Variants in KCNQ1OT1 observed in about 807,000 individuals in gnomAD.
KCNQ1OT1 encodes KCNQ1 opposite strand/antisense transcript 1.
Position 2,663,118 on chromosome 11 carries a change from G to T in KCNQ1OT1, n.36877C>A. The T allele has an allele frequency of 2.5e-6, 1 of 398,688 alleles. No individual in the cohort carries two copies. The highest frequency in any genetic ancestry group is 4.4e-6 in the Non-Finnish European group (1 of 226,128). 24.7% of individuals were successfully genotyped at this position (398,688 alleles called of 1,614,324 possible). ...AGGGAAGGAGTGGCTATCTTAAGGG[G>T]TAATTATGATCAGACAGGACCTGCC... On this transcript the variant is annotated non_coding_transcript_exon_variant, in exon 1 of 1. Transcript: ENST00000597346. This position sits in a 1 kb window ranked among gnomAD's most constrained non-coding sequence, Gnocchi z 5.2.
Position 2,676,673 on chromosome 11 carries a change from A to C in KCNQ1OT1, n.23322T>G, listed in dbSNP as rs1850300533. The C allele has an allele frequency of 2.5e-6, 1 of 398,544 alleles. No homozygotes were observed. The highest frequency in any genetic ancestry group is 2.1e-5 in the African/African-American group (1 of 48,626). 24.7% of individuals were successfully genotyped at this position (398,544 alleles called of 1,614,324 possible). A position where few individuals can be genotyped will look rare whatever the true frequency, so the allele number is the denominator to read the frequency against. On this transcript the variant is annotated non_coding_transcript_exon_variant, in exon 1 of 1. Transcript: ENST00000597346. This position sits in a 1 kb window ranked among gnomAD's most constrained non-coding sequence, Gnocchi z 4.2. ...GTTCATTAAGGTCTTGAGTATTTCC[A>C]AGGGAGCACTAACTGGACTACAGCC...
chr11:2,674,040 C>G lies in KCNQ1OT1; in HGVS notation n.25955G>C. The G allele has an allele frequency of 2.5e-6, 1 of 398,486 alleles. No individual in the cohort carries two copies. Among genetic ancestry groups the G allele is most frequent in the Non-Finnish European group, 4.4e-6 (1 of 226,048 alleles). The allele number at this position is 398,486 out of a possible 1,614,324, so 24.7% of individuals were successfully genotyped here. On this transcript the variant is annotated non_coding_transcript_exon_variant, in exon 1 of 1. Transcript: ENST00000597346. The surrounding 1 kb of genome is among the most constrained non-coding windows in gnomAD (Gnocchi z 5.9). ...GGCTCTTTGGGCCTGGGGTGCAGCCCCTCATTTGTACTTGCTGGCTGCCCC... is the reference window on the plus strand; with the variant it reads ...GGCTCTTTGGGCCTGGGGTGCAGCCGCTCATTTGTACTTGCTGGCTGCCCC...
Position 2,627,694 on chromosome 11 carries a change from A to C in KCNQ1OT1, n.72301T>G, listed in dbSNP as rs899417758. On this transcript the variant is annotated non_coding_transcript_exon_variant, in exon 1 of 1. Transcript: ENST00000597346. This position sits in a 1 kb window ranked among gnomAD's most constrained non-coding sequence, Gnocchi z 4.9. ...TATATATGTGTGTGTGTGTGTCTGT[A>C]TGTATATGTATGTGATGTGTTTATT... 1 of 398,158 alleles carries C rather than the reference A, an allele frequency of 2.5e-6. No homozygotes were observed. The highest frequency in any genetic ancestry group is 2.1e-5 in the African/African-American group (1 of 48,496). 24.7% of individuals were successfully genotyped at this position (398,158 alleles called of 1,614,324 possible). A position where few individuals can be genotyped will look rare whatever the true frequency, so the allele number is the denominator to read the frequency against.
At chr11:2,693,890 G>A (rs557606457) in exon 1 of KCNQ1OT1, 60 of 398,762 alleles carry the variant, frequency 1.5e-4, no homozygotes, top group African/African-American at 5.5e-4. Flanking sequence ...AACCCTACTC[G>A]TCCTCCTCCT....
At chr11:2,640,837 C>A in exon 1 of KCNQ1OT1, 1 of 399,184 alleles carries the variant, frequency 2.5e-6, no homozygotes, top group Non-Finnish European at 4.4e-6. Context: ...TCCAGACATA[C>A]CTTTCACAGC....
At position 2,664,695 on chromosome 11, in the gene KCNQ1OT1, C is replaced by G; in HGVS notation, n.35300G>C. ...TGTGGGCAGCCTGGCCCCATGGACC[C>G]TGAACTGGGAAGAGAGGCACACGCC... is the stretch of plus-strand genomic sequence containing the variant. On this transcript the variant is annotated non_coding_transcript_exon_variant, in exon 1 of 1. Transcript: ENST00000597346. The surrounding 1 kb of genome is among the most constrained non-coding windows in gnomAD (Gnocchi z 5.1). 1 of 398,760 alleles carries G rather than the reference C, an allele frequency of 2.5e-6. No individual in the cohort carries two copies. 24.7% of individuals were successfully genotyped at this position (398,760 alleles called of 1,614,324 possible).
chr11:2,687,993 G>A lies in KCNQ1OT1; in HGVS notation n.12002C>T, dbSNP rs141995690. 1.7e-4 allele frequency: 66 copies of A among 398,724 alleles called. No homozygotes were observed. The highest frequency in any genetic ancestry group is 1.0e-3 in the Admixed American group (23 of 22,744). 24.7% of individuals were successfully genotyped at this position (398,724 alleles called of 1,614,324 possible). ...TCCTGCTTCCCTTTGATGTCTCCTC[G>A]TGCGAGGGAGGGGTCAGCACCCCTC... On this transcript the variant is annotated non_coding_transcript_exon_variant, in exon 1 of 1. Coordinates refer to ENST00000597346, the Ensembl canonical transcript of KCNQ1OT1. This position sits in a 1 kb window ranked among gnomAD's most constrained non-coding sequence, Gnocchi z 5.0.
exon 1 of KCNQ1OT1, chr11:2,660,297 C>G: frequency 5.0e-6 from 2 of 398,366 alleles, no homozygotes; most frequent in Non-Finnish European, 8.9e-6. Flanking sequence ...CTTTTACACA[C>G]ATACATATGT....
Position 2,617,930 on chromosome 11 carries a change from A to G in KCNQ1OT1, n.82065T>C, listed in dbSNP as rs1849094572. 2.5e-6 allele frequency: 1 copy of G among 398,566 alleles called. No individual in the cohort carries two copies. Among genetic ancestry groups the G allele is most frequent in the Non-Finnish European group, 4.4e-6 (1 of 226,044 alleles). The allele number at this position is 398,566 out of a possible 1,614,324, so 24.7% of individuals were successfully genotyped here. A position where few individuals can be genotyped will look rare whatever the true frequency, so the allele number is the denominator to read the frequency against. ...TATGCATTCCTTATAAATTTTGGAT[A>G]TTATCCTCTTATAAGATATATGGTT... On this transcript the variant is annotated non_coding_transcript_exon_variant, in exon 1 of 1. Transcript: ENST00000597346. This position sits in a 1 kb window ranked among gnomAD's most constrained non-coding sequence, Gnocchi z 4.6.
Position 2,623,521 on chromosome 11 carries a change from T to C in KCNQ1OT1, n.76474A>G. ...ATGCAATATGATTGGAATCATACAG[T>C]ATGTAGTTTCTTCAGATTGCCTTAT... On this transcript the variant is annotated non_coding_transcript_exon_variant, in exon 1 of 1. Transcript: ENST00000597346. This position sits in a 1 kb window ranked among gnomAD's most constrained non-coding sequence, Gnocchi z 5.2. 7.5e-6 allele frequency: 3 copies of C among 398,576 alleles called. No individual in the cohort carries two copies. The highest frequency in any genetic ancestry group is 2.1e-5 in the African/African-American group (1 of 48,758). 24.7% of individuals were successfully genotyped at this position (398,576 alleles called of 1,614,324 possible). A position where few individuals can be genotyped will look rare whatever the true frequency, so the allele number is the denominator to read the frequency against.
At chr11:2,667,261 G>A (rs758036644) in exon 1 of KCNQ1OT1, 85 of 398,622 alleles carry the variant, frequency 2.1e-4, no homozygotes, top group Non-Finnish European at 2.9e-4. Flanking sequence ...AGGAAGAAGC[G>A]GCTGGCCTAG....
In KCNQ1OT1 at chr11:2,676,606, G is replaced by A. The variant is rs1850299165; in HGVS notation, n.23389C>T. 1 of 398,562 alleles carries A rather than the reference G, an allele frequency of 2.5e-6. No individual in the cohort carries two copies. The highest frequency in any genetic ancestry group is 4.4e-6 in the Non-Finnish European group (1 of 226,100). The allele number at this position is 398,562 out of a possible 1,614,324, so 24.7% of individuals were successfully genotyped here. On this transcript the variant is annotated non_coding_transcript_exon_variant, in exon 1 of 1. Transcript: ENST00000597346. This position sits in a 1 kb window ranked among gnomAD's most constrained non-coding sequence, Gnocchi z 4.2. ...ATTCAACAGCCAGCTCTCCAAAGAGGCCTCTAAGAAATGGGTAGCTTCACA... is the reference window on the plus strand; with the variant it reads ...ATTCAACAGCCAGCTCTCCAAAGAGACCTCTAAGAAATGGGTAGCTTCACA...
exon 1 of KCNQ1OT1, chr11:2,633,449 C>G (rs1414846840): frequency 2.5e-6 from 1 of 398,400 alleles, no homozygotes; most frequent in Non-Finnish European, 4.4e-6. Context: ...CTTCGCTAGA[C>G]CCATATCCTG....
chr11:2,624,571 G>A lies in KCNQ1OT1; in HGVS notation n.75424C>T. The A allele has an allele frequency of 2.5e-6, 1 of 398,154 alleles. No homozygotes were observed. Among genetic ancestry groups the A allele is most frequent in the Non-Finnish European group, 4.4e-6 (1 of 225,968 alleles). 24.7% of individuals were successfully genotyped at this position (398,154 alleles called of 1,614,324 possible). ...TGTTGATTTCCAAATCTTTTATTGT[G>A]GCAAAATACACTTAACATAAAAATT... On this transcript the variant is annotated non_coding_transcript_exon_variant, in exon 1 of 1. Coordinates refer to ENST00000597346, the Ensembl canonical transcript of KCNQ1OT1. The surrounding 1 kb of genome is among the most constrained non-coding windows in gnomAD (Gnocchi z 4.9).
Position 2,658,966 on chromosome 11 carries a change from A to G in KCNQ1OT1, n.41029T>C. 2 of 398,562 alleles carry G rather than the reference A, an allele frequency of 5.0e-6. No homozygotes were observed. The highest frequency in any genetic ancestry group is 2.5e-4 in the South Asian group (2 of 7,854). The allele number at this position is 398,562 out of a possible 1,614,324, so 24.7% of individuals were successfully genotyped here. A position where few individuals can be genotyped will look rare whatever the true frequency, so the allele number is the denominator to read the frequency against. On this transcript the variant is annotated non_coding_transcript_exon_variant, in exon 1 of 1. Coordinates refer to ENST00000597346, the Ensembl canonical transcript of KCNQ1OT1. The surrounding 1 kb of genome is among the most constrained non-coding windows in gnomAD (Gnocchi z 4.9). ...TTTAGGACAGACTTTTGCTTTAACC[A>G]TAGAGTGTCCAGTCAAAACAGTGTT...
rs962254185 is a variant in KCNQ1OT1 at position 2,641,982 on chromosome 11, G to C, written n.58013C>G. On this transcript the variant is annotated non_coding_transcript_exon_variant, in exon 1 of 1. Transcript: ENST00000597346. ...CTTCCAGGTTCTACTCTGTTCCATT[G>C]GTCTATCAGTTTTTATTCCAATACC... is the stretch of plus-strand genomic sequence containing the variant. 1.3e-5 allele frequency: 5 copies of C among 398,156 alleles called. No homozygotes were observed. In the South Asian group the frequency reaches 6.4e-4, roughly 51 times the overall value. 24.7% of individuals were successfully genotyped at this position (398,156 alleles called of 1,614,324 possible).
exon 1 of KCNQ1OT1, chr11:2,686,498 G>T (rs760025083): frequency 2.3e-5 from 9 of 398,568 alleles, no homozygotes; most frequent in Non-Finnish European, 3.5e-5. Flanking sequence ...CCCTCACCCA[G>T]TGTTGAGTCT....
exon 1 of KCNQ1OT1, chr11:2,699,803 G>A (rs1027003930): frequency 1.8e-5 from 7 of 397,388 alleles, no homozygotes; most frequent in African/African-American, 8.3e-5. Flanking sequence ...GGGGCGCGCC[G>A]GGGAGAACCA....
At chr11:2,685,365 C>T (rs1438479869) in exon 1 of KCNQ1OT1, 5 of 398,578 alleles carry the variant, frequency 1.3e-5, no homozygotes, top group African/African-American at 2.1e-5. Flanking sequence ...CAGGTACCAT[C>T]TCTGCCTGGT....
Sources: gnomAD v4.1 joint callset for allele counts on GRCh38, gnomAD v4.1.1 for gene constraint, Gnocchi (gnomAD v3.1) non-coding constraint, MANE v1.5 for transcripts, NCBI Gene and HGNC (gene_info 2026-07-23, HGNC 2026-07-21) for gene names.